The following PARK7 variants were observed in gnomAD, a reference collection of about 807,000 sequenced individuals.
PARK7 encodes Parkinsonism associated deglycase.
A neutral mutation model predicts 20.5 loss-of-function variants in PARK7; 14 were observed. The ratio of observed to expected loss-of-function variants is 0.68; its 90% confidence interval spans 0.45 to 1.07. PARK7 has a LOEUF of 1.07. PARK7 is among the 50% of genes least tolerant of loss of function. The pLI, the probability that PARK7 is intolerant of heterozygous loss-of-function variation, is 0.00. For synonymous variants in PARK7, 98 were observed against 84.3 expected, an observed-to-expected ratio of 1.16 and a Z score of -0.89; for missense variants, 234 against 238.1, an observed-to-expected ratio of 0.98 and a Z score of 0.11.
At position 7,965,236 on chromosome 1, in the gene PARK7, C is replaced by T. The variant is rs1223335277; in HGVS notation, c.91-88C>T. 7 of 1,222,106 alleles carry T rather than the reference C, an allele frequency of 5.7e-6. No homozygotes were observed. In the East Asian group the frequency reaches 1.6e-4, roughly 29 times the overall value. 75.7% of individuals were successfully genotyped at this position (1,222,106 alleles called of 1,614,324 possible). A position where few individuals can be genotyped will look rare whatever the true frequency, so the allele number is the denominator to read the frequency against. On this transcript the variant is annotated intron_variant, in intron 2 of 6. Coordinates refer to ENST00000338639, the MANE Select transcript of PARK7 (RefSeq NM_007262.5). The stretch of plus-strand genomic sequence containing the variant: ...TAGCCCAGGTGACAGGGTGAGACCC[C>T]ATCTCTCTTTTTTCTTTTTTTTTAA...
At chr1:7,970,557 C>T (rs1640443952) in intron 4 of PARK7, among the ~76,000 whole-genome samples, 1 of 152,188 alleles carries the variant, frequency 6.6e-6, no homozygotes, top group Non-Finnish European at 1.5e-5. Context: ...CTGCTAGATT[C>T]TGTTCCTCTC....
chr1:7,969,527 G>GA (rs550151906), intron 4 of PARK7, 123 bp downstream of exon 4: 969 of 704,478 alleles, frequency 1.4e-3, no homozygotes, highest in Admixed American at 1.8e-3. Flanking sequence ...AGGAGGCTGT[G>GA]AAAAAAAAAT....
At chr1:7,975,926 CT>C (rs1476746615) in intron 5 of PARK7, among the ~76,000 whole-genome samples, 2 of 152,170 alleles carry the variant, frequency 1.3e-5, no homozygotes, top group African/African-American at 4.8e-5. Flanking sequence ...CCATACATAG[CT>C]GTCTTGTGTG....
intron 5 of PARK7, among the ~76,000 whole-genome samples, chr1:7,976,846 G>A (rs1400427785): frequency 1.3e-5 from 2 of 151,930 alleles, no homozygotes; most frequent in Admixed American, 6.6e-5. Context: ...TCAGCCTCCC[G>A]AGTAGCTGGG....
At position 7,965,346 on chromosome 1, in the gene PARK7, T is replaced by C. The variant is rs1640301661; in HGVS notation, c.113T>C (p.Leu38Pro). 1 of 1,614,070 alleles carries C rather than the reference T, an allele frequency of 6.2e-7. No homozygotes were observed. The highest frequency in any genetic ancestry group is 1.3e-5 in the African/African-American group (1 of 74,938). Reference protein sequence around the residue: ...RAGIKVTVAGLAGKDPVQCSR... With the variant: ...RAGIKVTVAGPAGKDPVQCSR... ...TAGATTAAGGTCACCGTTGCAGGCC[T>C]GGCTGGAAAAGACCCAGTACAGTGT... Residue 38 changes from leucine to proline, a missense_variant, in exon 3 of 7, where the codon CTG becomes CCG. By Grantham distance (98) the Leu-to-Pro change is moderately conservative (BLOSUM62 -3). Transcript: ENST00000338639.
intron 5 of PARK7, among the ~76,000 whole-genome samples, chr1:7,974,868 T>G (rs1444365275): frequency 7.3e-5 from 11 of 149,842 alleles, no homozygotes; most frequent in Admixed American, 2.0e-4. Flanking sequence ...TTTTTTTTTT[T>G]GTTGAAATGG....
At chr1:7,979,493 GGTTT>G (rs986626779) in intron 6 of PARK7, among the ~76,000 whole-genome samples, 1 of 152,006 alleles carries the variant, frequency 6.6e-6, no homozygotes, top group African/African-American at 2.4e-5. Flanking sequence ...GAAAATCCAT[GGTTT>G]GTTTATTTAT....
At chr1:7,969,584 CTTT>C (rs35540656) in intron 4 of PARK7, among the ~76,000 whole-genome samples, 180 bp downstream of exon 4, 5 of 146,092 alleles carry the variant, frequency 3.4e-5, no homozygotes. Flanking sequence ...TTAACTCAAA[CTTT>C]TTTTTTTTTT....
chr1:7,962,028 C>G (rs1029897201), intron 1 of PARK7: 2 of 152,270 alleles, frequency 1.3e-5, no homozygotes, highest in South Asian at 4.1e-4. Context: ...TGCCTAACCT[C>G]TCGCCGGCAT....
Position 7,970,927 on chromosome 1 carries a change from G to T in PARK7, c.286G>T (p.Glu96Ter). 1 of 1,614,168 alleles carries T rather than the reference G, an allele frequency of 6.2e-7. No individual in the cohort carries two copies. Among genetic ancestry groups the T allele is most frequent in the Non-Finnish European group, 8.5e-7 (1 of 1,180,022 alleles). The part of the protein sequence containing the change: ...AAVKEILKEQ[E>*]NRKGLIAAIC... The stretch of plus-strand genomic sequence containing the variant: ...TGTGAAGGAGATACTGAAGGAGCAG[G>T]AAAACCGGAAGGGCCTGATAGCCGC... The change falls in exon 5 of 7, where the codon GAA becomes TAA. Residue 96 changes from glutamate to a stop codon, truncating the protein, a stop_gained. Transcript: ENST00000338639. LOFTEE classifies it high-confidence loss of function.
At chr1:7,974,095 A>G (rs1356047989) in intron 5 of PARK7, among the ~76,000 whole-genome samples, 1 of 148,896 alleles carries the variant, frequency 6.7e-6, no homozygotes, top group East Asian at 2.0e-4. Context: ...GGATCACTTG[A>G]ACCCAGGAGT....
chr1:7,965,901 C>T (rs894273088), intron 3 of PARK7, among the ~76,000 whole-genome samples: 1 of 152,126 alleles, frequency 6.6e-6, no homozygotes, highest in Admixed American at 6.5e-5. Context: ...CCTCAACCTC[C>T]CAGGTTCAAG....
At chr1:7,968,497 T>C (rs1321802072) in intron 3 of PARK7, among the ~76,000 whole-genome samples, 4 of 152,088 alleles carry the variant, frequency 2.6e-5, no homozygotes, top group Non-Finnish European at 5.9e-5. Context: ...TGCCTTTTAC[T>C]TAAAATTTGT....
intron 4 of PARK7, among the ~76,000 whole-genome samples, chr1:7,970,028 C>A (rs1640430383): frequency 6.6e-6 from 1 of 151,964 alleles, no homozygotes; most frequent in Non-Finnish European, 1.5e-5. Flanking sequence ...GCCATCTCTA[C>A]AAAAAATTTT....
intron 3 of PARK7, among the ~76,000 whole-genome samples, chr1:7,968,703 A>T (rs532960460): frequency 6.6e-6 from 1 of 152,086 alleles, no homozygotes; most frequent in East Asian, 1.9e-4. Context: ...TTTAGTAGAA[A>T]TGGGGGTTTT....
intron 5 of PARK7, among the ~76,000 whole-genome samples, chr1:7,975,804 T>C (rs1412857815): frequency 6.6e-6 from 1 of 152,252 alleles, no homozygotes; most frequent in Non-Finnish European, 1.5e-5. Context: ...TGCAAGATGA[T>C]GTAGGAATTT....
At chr1:7,966,300 A>G (rs573514707) in intron 3 of PARK7, among the ~76,000 whole-genome samples, 2 of 152,114 alleles carry the variant, frequency 1.3e-5, no homozygotes, top group South Asian at 4.2e-4. Flanking sequence ...AAAAAGTTTA[A>G]TCCTTTCTAA....
At chr1:7,973,934 A>G (rs1466971524) in intron 5 of PARK7, among the ~76,000 whole-genome samples, 1 of 151,118 alleles carries the variant, frequency 6.6e-6, no homozygotes, top group African/African-American at 2.4e-5. Context: ...AATCAACCAC[A>G]TTTGGCTTAC....
rs145727915 is a variant in PARK7 at position 7,965,376 on chromosome 1, G to A, written c.143G>A (p.Arg48His). ...LAGKDPVQCS[R>H]DVVICPDASL... Reference sequence around the variant, plus strand: ...GGAAAAGACCCAGTACAGTGTAGCCGTGATGTGGTCATTTGTCCTGATGCC... The same window carrying A: ...GGAAAAGACCCAGTACAGTGTAGCCATGATGTGGTCATTTGTCCTGATGCC... The change falls in exon 3 of 7, where the codon CGT becomes CAT. Residue 48 changes from arginine (R) to histidine (H), a missense_variant. By Grantham distance (29) the Arg-to-His change is conservative. Transcript: ENST00000338639. 2.9e-5 allele frequency: 47 copies of A among 1,614,050 alleles called. No individual in the cohort carries two copies. The highest frequency in any genetic ancestry group is 5.3e-5 in the African/African-American group (4 of 74,908).
Sources: allele counts gnomAD v4.1 joint callset (sites outside exome capture counted in the v4.1 genomes callset), GRCh38; gene constraint gnomAD v4.1.1; transcripts MANE v1.5; gene names NCBI Gene and HGNC (gene_info 2026-07-23, HGNC 2026-07-21).